Variants in IDH3G observed in about 807,000 individuals in gnomAD.
IDH3G encodes isocitrate dehydrogenase (NAD(+)) 3 non-catalytic subunit gamma, also known as isocitrate dehydrogenase [NAD] subunit gamma, mitochondrial.
A neutral mutation model predicts 26.9 loss-of-function variants in IDH3G; 9 were observed. The observed-to-expected ratio is 0.34, with a 90% confidence interval of 0.20 to 0.58. The LOEUF is 0.58. Among genes scored for constraint, IDH3G ranks in the 20% least tolerant of loss-of-function variants. The probability of loss-of-function intolerance (pLI) is 0.85; values close to 1 mark genes in which losing one functional copy is unlikely to be tolerated. For missense variants in IDH3G, 250 were observed against 372.8 expected, an observed-to-expected ratio of 0.67 and a Z score of 2.71; for synonymous variants, 181 against 160.0, an observed-to-expected ratio of 1.13 and a Z score of -0.99.
intron 1 of IDH3G, 143 bp downstream of exon 1, chrX:153,794,103 C>G: frequency 1.6e-6 from 1 of 628,026 alleles, no homozygotes. Context: ...ACAGCGGAGG[C>G]GGCCAATCAA....
chrX:153,789,094 TCACA>T (rs782288038), intron 5 of IDH3G: 10 of 341,993 alleles, frequency 2.9e-5, no homozygotes, highest in South Asian at 2.6e-4. Context: ...CTGGACAGGC[TCACA>T]CACAGCTGCT....
chrX:153,789,836 C>G lies in IDH3G; in HGVS notation c.234-12G>C. On this transcript the variant is annotated splice_polypyrimidine_tract_variant and intron_variant, in intron 4 of 12. Coordinates refer to ENST00000217901, the MANE Select transcript of IDH3G (RefSeq NM_004135.4). ...GTACACATGCGTGCCTGAGGCACGGCAGGGTCAGGGAGGCTGGCCCAGACC... is the reference window on the plus strand; with the variant it reads ...GTACACATGCGTGCCTGAGGCACGGGAGGGTCAGGGAGGCTGGCCCAGACC... 9.0e-7 allele frequency: 1 copy of G among 1,109,953 alleles called. No individual in the cohort carries two copies. The highest frequency in any genetic ancestry group is 3.0e-5 in the East Asian group (1 of 32,971). The allele number at this position is 1,109,953 out of a possible 1,213,427, so 91.5% of individuals were successfully genotyped here.
chrX:153,789,108 T>C (rs1569542720), intron 5 of IDH3G: 1 of 342,174 alleles, frequency 2.9e-6, no homozygotes, highest in Non-Finnish European at 5.9e-6. Flanking sequence ...ACACAGCTGC[T>C]CTCACTCGAA....
intron 12 of IDH3G, 76 bp from the exon 13 acceptor site, chrX:153,786,049 G>A (rs2092086054): frequency 3.3e-6 from 4 of 1,205,754 alleles, no homozygotes; most frequent in Non-Finnish European, 3.4e-6. Context: ...GCAGGACTGG[G>A]ATTGCCACAG....
At chrX:153,790,505 A>C in intron 3 of IDH3G, 59 bp downstream of exon 3, 1 of 1,102,722 alleles carries the variant, frequency 9.1e-7, no homozygotes, top group Non-Finnish European at 1.3e-6. Context: ...CCTGGAATTT[A>C]GTTAACCCCA....
At chrX:153,790,129 C>T in intron 4 of IDH3G, 66 bp downstream of exon 4, 1 of 939,096 alleles carries the variant, frequency 1.1e-6, no homozygotes, top group Non-Finnish European at 1.5e-6. Context: ...GCGCAATGCC[C>T]CTCTTGGCAC....
chrX:153,790,500 A>G, intron 3 of IDH3G, 64 bp downstream of exon 3: 14 of 950,288 alleles, frequency 1.5e-5, no homozygotes, highest in Non-Finnish European at 2.1e-5. Context: ...CCCCACCTGG[A>G]ATTTAGTTAA....
Position 153,790,847 on chromosome X carries a change from A to C in IDH3G, c.86T>G (p.Leu29Arg). The change falls in exon 2 of 13, where the codon CTA (leucine) becomes CGA (arginine). Residue 29 changes from leucine to arginine, a missense_variant. By Grantham distance (102) the Leu-to-Arg change is moderately radical. This residue lies in a region of IDH3G where 49 missense variants were observed against 41.5 expected (regional missense o/e 1.18). Transcript: ENST00000217901. ...PALLCRPWEVLGAHEVPSRNI... is the reference protein window; with the variant it reads ...PALLCRPWEVRGAHEVPSRNI... Reference sequence around the variant, plus strand: ...CCTCGAGGGGACCTCGTGGGCGCCTAGAACCTGGCAGAGACCAAATGCCAG... The same window carrying C: ...CCTCGAGGGGACCTCGTGGGCGCCTCGAACCTGGCAGAGACCAAATGCCAG... 8.3e-7 allele frequency: 1 copy of C among 1,206,351 alleles called. No homozygotes were observed. The highest frequency in any genetic ancestry group is 1.1e-6 in the Non-Finnish European group (1 of 893,523).
intron 5 of IDH3G, chrX:153,789,122 C>T (rs782734315): frequency 4.4e-5 from 15 of 341,316 alleles, no homozygotes; most frequent in African/African-American, 4.0e-4. Flanking sequence ...ACTCGAATCC[C>T]AGCATCGCAG....
chrX:153,793,329 C>T lies in IDH3G; in HGVS notation c.81+917G>A, dbSNP rs184891144. Among the ~76,000 whole-genome samples, 3 of 112,027 alleles carry T rather than the reference C, an allele frequency of 2.7e-5. No homozygotes were observed. In the East Asian group the frequency reaches 8.4e-4, roughly 31 times the overall value. Reference sequence around the variant, plus strand: ...ATCGTCAAGAGAATTTCATTAGGCACAAGCAGTCTCCCCCAGAGGTCAGAA... The same window carrying T: ...ATCGTCAAGAGAATTTCATTAGGCATAAGCAGTCTCCCCCAGAGGTCAGAA... On this transcript the variant is annotated intron_variant, in intron 1 of 12. Transcript: ENST00000217901.
chrX:153,792,899 C>T (rs1351194936), intron 1 of IDH3G, among the ~76,000 whole-genome samples: 2 of 112,555 alleles, frequency 1.8e-5, no homozygotes, highest in African/African-American at 6.5e-5. Flanking sequence ...GCTCTCCCAT[C>T]ACCCTTTCAT....
At chrX:153,789,558 A>AAAGAAAGCAAGAAAGC (rs2092101471) in intron 5 of IDH3G, among the ~76,000 whole-genome samples, 154 bp downstream of exon 5, 1 of 112,964 alleles carries the variant, frequency 8.9e-6, no homozygotes, top group Admixed American at 9.3e-5. Flanking sequence ...AGAACGCAAG[A>AAAGAAAGCAAGAAAGC]AAGAAAGCAA....
chrX:153,793,155 C>A (rs2092116346), intron 1 of IDH3G, among the ~76,000 whole-genome samples: 1 of 111,233 alleles, frequency 9.0e-6, no homozygotes. Context: ...CCCCAACGCA[C>A]ACACAGGCAC....
intron 12 of IDH3G, 110 bp from the exon 13 acceptor site, chrX:153,786,083 G>A (rs2092086150): frequency 8.3e-7 from 1 of 1,199,864 alleles, no homozygotes. Context: ...CCAGCTAAGG[G>A]CCAGAAGATG....
intron 5 of IDH3G, among the ~76,000 whole-genome samples, chrX:153,788,664 C>T (rs996451646): frequency 1.8e-5 from 2 of 113,051 alleles, no homozygotes; most frequent in Admixed American, 1.9e-4. Context: ...AGTCAGAGGG[C>T]GCCAAGCAGA....
At chrX:153,787,327 C>T (rs1467159291) in intron 8 of IDH3G, 137 bp downstream of exon 8, 6 of 885,151 alleles carry the variant, frequency 6.8e-6, no homozygotes, top group Admixed American at 2.6e-5. Flanking sequence ...GGCAAGGCCT[C>T]GAGGGCAACA....
intron 5 of IDH3G, 74 bp downstream of exon 5, chrX:153,789,638 C>T (rs1557069978): frequency 3.2e-6 from 2 of 615,468 alleles, no homozygotes; most frequent in Admixed American, 6.7e-5. Context: ...AGCAAGTAAG[C>T]AAGAAACGAA....
Position 153,786,904 on chromosome X carries a change from T to C in IDH3G, c.821A>G (p.Asn274Ser), listed in dbSNP as rs782733058. 4 of 1,210,632 alleles carry C rather than the reference T, an allele frequency of 3.3e-6. No homozygotes were observed. The highest frequency in any genetic ancestry group is 1.8e-5 in the South Asian group (1 of 56,997). ...ATTGTTGACGATGTTGCCATAGAGA[T>C]TGGGCATCACCATGACATCAAACTG... ...PQQFDVMVMP[N>S]LYGNIVNNVC... The change falls in exon 10 of 13, where the codon AAT (asparagine) becomes AGT (serine). Residue 274 changes from asparagine to serine, a missense_variant. Physicochemically the swap from Asn to Ser is conservative, Grantham distance 46. Transcript: ENST00000217901.
At chrX:153,793,982 T>G in intron 1 of IDH3G, 1 of 306,081 alleles carries the variant, frequency 3.3e-6, no homozygotes, top group Non-Finnish European at 5.7e-6. Flanking sequence ...ACTAAGGAGG[T>G]GACAGCCGCC....
Sources: allele counts gnomAD v4.1 joint callset (sites outside exome capture counted in the v4.1 genomes callset), GRCh38; gene constraint gnomAD v4.1.1; regional missense constraint gnomAD v4.1.1; transcripts MANE v1.5; gene names NCBI Gene and HGNC (gene_info 2026-07-23, HGNC 2026-07-21).